Variants in ZNF589 observed in about 807,000 individuals in gnomAD.
ZNF589 encodes the protein KRAB-zinc finger protein SZF1-1.
Under a neutral mutation model 13.6 loss-of-function variants are expected in ZNF589, and 17 were observed. The observed-to-expected ratio is 1.25, with a 90% CI of 0.86 to 1.88. The LOEUF (loss-of-function observed/expected upper bound fraction) is 1.88, where lower values mean the gene tolerates loss of function less well. Ranked by LOEUF, ZNF589 falls within the 40% of genes most tolerant of loss-of-function variation. The probability of loss-of-function intolerance (pLI) is 0.00; values close to 1 mark genes in which losing one functional copy is unlikely to be tolerated. For missense variants in ZNF589, 407 were observed against 434.0 expected (o/e 0.94, Z 0.55); for synonymous variants, 148 against 161.6 (o/e 0.92, Z 0.64).
Position 48,268,559 on chromosome 3 carries a change from G to A in ZNF589, c.868G>A (p.Val290Ile), listed in dbSNP as rs755404118. ...ECGRGFIVES[V>I]LRNHLSTHSG... ...TGGGCGAGGCTTTATAGTTGAGTCA[G>A]TCCTCCGCAACCACCTGAGTACACA... Residue 290 changes from valine (V) to isoleucine (I), a missense_variant, in exon 4 of 4, where the codon GTC becomes ATC. Physicochemically the swap from Val to Ile is conservative, Grantham distance 29. Transcript: ENST00000354698. 44 of 1,611,702 alleles carry A rather than the reference G, an allele frequency of 2.7e-5. No individual in the cohort carries two copies. Among genetic ancestry groups the A allele is most frequent in the Admixed American group, 1.3e-4 (8 of 59,782 alleles).
intron 3 of ZNF589, among the ~76,000 whole-genome samples, chr3:48,267,541 C>A (rs1338075941): frequency 1.3e-5 from 2 of 152,006 alleles, no homozygotes; most frequent in African/African-American, 4.8e-5. Flanking sequence ...GGACTACAGG[C>A]GCCCGTCACT....
rs3937 is a variant in ZNF589 at position 48,270,912 on chromosome 3, T to C, written c.*2126T>C. 49,738 of 196,342 alleles carry C rather than the reference T, an allele frequency of 0.25. 6,949 individuals carry two copies. The highest frequency in any genetic ancestry group is 0.28 in the African/African-American group (11,780 of 42,290). The allele number at this position is 196,342 out of a possible 1,614,324, so 12.2% of individuals were successfully genotyped here. A position where few individuals can be genotyped will look rare whatever the true frequency, so the allele number is the denominator to read the frequency against. On this transcript the variant is annotated 3_prime_UTR_variant, in exon 4 of 4. Coordinates refer to ENST00000354698, the MANE Select transcript of ZNF589 (RefSeq NM_016089.3). Reference sequence around the variant, plus strand: ...GCCTGGCCTACCACCCTAATGTGTCTGGAATTGGTGGGTTCTTGGTCTTGC... The same window carrying C: ...GCCTGGCCTACCACCCTAATGTGTCCGGAATTGGTGGGTTCTTGGTCTTGC...
Position 48,268,686 on chromosome 3 carries a change from T to G in ZNF589, c.995T>G (p.Phe332Cys), listed in dbSNP as rs1473192319. Residue 332 changes from phenylalanine to cysteine, a missense_variant, in exon 4 of 4, where the codon TTT becomes TGT. Phe to Cys is a radical substitution (Grantham distance 205). Transcript: ENST00000354698. ...AGGACACACACAAGGGAGAAATCGT[T>G]TATGTGCACAGTGTGTGGGCGAGGC... ...HQRTHTREKS[F>C]MCTVCGRGFR... The G allele has an allele frequency of 6.2e-7, 1 of 1,609,206 alleles. No homozygotes were observed. Among genetic ancestry groups the G allele is most frequent in the Non-Finnish European group, 8.5e-7 (1 of 1,178,508 alleles).
intron 2 of ZNF589, chr3:48,257,924 CATA>C (rs771106381): frequency 1.6e-5 from 7 of 449,478 alleles, no homozygotes. Context: ...TCTATTCTTC[CATA>C]GATACCCTGT....
chr3:48,266,699 A>G (rs2034022622), intron 3 of ZNF589, among the ~76,000 whole-genome samples: 1 of 152,294 alleles, frequency 6.6e-6, no homozygotes, highest in East Asian at 1.9e-4. Flanking sequence ...TTAGATTCAG[A>G]TTATACACTG....
chr3:48,264,487 C>T (rs761911702), intron 3 of ZNF589, among the ~76,000 whole-genome samples: 3 of 151,382 alleles, frequency 2.0e-5, no homozygotes, highest in African/African-American at 4.9e-5. Flanking sequence ...GAGGCAAGAT[C>T]GCACCACTGC....
intron 2 of ZNF589, chr3:48,256,766 T>C (rs1321451669): frequency 2.5e-6 from 4 of 1,604,006 alleles, no homozygotes; most frequent in South Asian, 1.1e-5. Flanking sequence ...TGGACTCTCC[T>C]TGGGAGTCGC....
At chr3:48,252,941 G>C (rs2033855821) in intron 2 of ZNF589, among the ~76,000 whole-genome samples, 2 of 152,102 alleles carry the variant, frequency 1.3e-5, no homozygotes, top group South Asian at 4.1e-4. Flanking sequence ...TAACATTATT[G>C]AGTTTTCTGG....
At chr3:48,250,356 T>C (rs2106834936) in intron 2 of ZNF589, among the ~76,000 whole-genome samples, 1 of 150,808 alleles carries the variant, frequency 6.6e-6, no homozygotes, top group Admixed American at 6.6e-5. Context: ...CTCACTATGT[T>C]GCCCAGGCTG....
In ZNF589 at chr3:48,267,910, T is replaced by C; in HGVS notation, c.224-5T>C. 6.2e-7 allele frequency: 1 copy of C among 1,600,036 alleles called. No homozygotes were observed. Among genetic ancestry groups the C allele is most frequent in the Non-Finnish European group, 8.5e-7 (1 of 1,176,028 alleles). On this transcript the variant is annotated splice_region_variant and splice_polypyrimidine_tract_variant and intron_variant, in intron 3 of 3. Coordinates refer to ENST00000354698, the MANE Select transcript of ZNF589 (RefSeq NM_016089.3). The stretch of plus-strand genomic sequence containing the variant: ...CTCTTCTGACTGGAAACTTTCTTTC[T>C]TCAGCAGAATCAAAGCCAGAAGTCC...
chr3:48,253,223 C>T, intron 2 of ZNF589, among the ~76,000 whole-genome samples: 1 of 151,912 alleles, frequency 6.6e-6, no homozygotes, highest in East Asian at 1.9e-4. Context: ...AGTAGATGGG[C>T]TTTTGCCACG....
Position 48,268,603 on chromosome 3 carries a change from T to A in ZNF589, c.912T>A (p.Tyr304Ter), listed in dbSNP as rs569288162. 5.6e-6 allele frequency: 9 copies of A among 1,612,844 alleles called. No individual in the cohort carries two copies. The highest frequency in any genetic ancestry group is 7.6e-6 in the Non-Finnish European group (9 of 1,179,782). The change falls in exon 4 of 4, where the codon TAT (tyrosine) becomes TAA (stop). Residue 304 changes from tyrosine to a stop codon, truncating the protein, a stop_gained. Coordinates refer to ENST00000354698, the MANE Select transcript of ZNF589 (RefSeq NM_016089.3). LOFTEE classifies it low-confidence loss of function (END_TRUNC). ...HLSTHSGEKP[Y>*]VCSHCGRGFS... ...GTACACACTCCGGGGAGAAACCTTA[T>A]GTGTGCAGCCATTGTGGGCGAGGCT...
At chr3:48,255,422 T>C (rs550283778) in intron 2 of ZNF589, among the ~76,000 whole-genome samples, 42 of 151,342 alleles carry the variant, frequency 2.8e-4, no homozygotes, top group Admixed American at 2.6e-3. Flanking sequence ...GTGATCTGCC[T>C]ACCTTGGCCT....
At chr3:48,266,654 C>T (rs559137179) in intron 3 of ZNF589, among the ~76,000 whole-genome samples, 77 of 152,256 alleles carry the variant, frequency 5.1e-4, no homozygotes, top group African/African-American at 1.8e-3. Flanking sequence ...ACATGGTGAA[C>T]GCCGTCACAA....
At chr3:48,260,314 AT>A (rs964283775) in intron 2 of ZNF589, among the ~76,000 whole-genome samples, 1 of 151,760 alleles carries the variant, frequency 6.6e-6, no homozygotes. Flanking sequence ...ATTTTTGTTT[AT>A]TTTTCATAGA....
rs537171333 is a variant in ZNF589 at position 48,243,187 on chromosome 3, G to A, written c.43+1973G>A. ...AAACTGGCCCAGCATGGTGGCTCAC[G>A]CCTGTAATCCCAGCACTTTGGAAGG... is the stretch of plus-strand genomic sequence containing the variant. On this transcript the variant is annotated intron_variant, in intron 1 of 3. Transcript: ENST00000354698. Among the ~76,000 whole-genome samples the A allele has an allele frequency of 1.7e-4, 26 of 151,908 alleles. No individual in the cohort carries two copies. The East Asian group carries it at 1.9e-3, about 11-fold the overall frequency.
At chr3:48,243,727 G>A (rs1294309982) in intron 1 of ZNF589, among the ~76,000 whole-genome samples, 1 of 151,544 alleles carries the variant, frequency 6.6e-6, no homozygotes, top group Non-Finnish European at 1.5e-5. Flanking sequence ...AGGAGGTGGA[G>A]GTTGCAGTGA....
intron 2 of ZNF589, among the ~76,000 whole-genome samples, chr3:48,254,197 G>A (rs866937126): frequency 2.0e-5 from 3 of 152,028 alleles, no homozygotes; most frequent in Admixed American, 6.6e-5. Flanking sequence ...TGGAGGTTGC[G>A]GTGAGCTGAG....
rs1345316393 is a variant in ZNF589 at position 48,269,869 on chromosome 3, T to G, written c.*1083T>G. The G allele has an allele frequency of 8.2e-6, 3 of 368,048 alleles. No homozygotes were observed. The highest frequency in any genetic ancestry group is 6.4e-5 in the African/African-American group (3 of 46,930). The allele number at this position is 368,048 out of a possible 1,614,324, so 22.8% of individuals were successfully genotyped here. Reference sequence around the variant, plus strand: ...GGGAGAAACCTTCATGGAGTGAGAGTAAGGTGTTGGCTGGAAGTGGCCCCT... The same window carrying G: ...GGGAGAAACCTTCATGGAGTGAGAGGAAGGTGTTGGCTGGAAGTGGCCCCT... On this transcript the variant is annotated 3_prime_UTR_variant, in exon 4 of 4. Transcript: ENST00000354698.
Sources: allele counts gnomAD v4.1 joint callset (sites outside exome capture counted in the v4.1 genomes callset), GRCh38; gene constraint gnomAD v4.1.1; transcripts MANE v1.5; gene names NCBI Gene and HGNC (gene_info 2026-07-23, HGNC 2026-07-21).